The following ARHGEF28 variants were observed in gnomAD, a reference collection of about 807,000 sequenced individuals.
ARHGEF28 encodes 190 kDa guanine nucleotide exchange factor.
A neutral mutation model predicts 206.6 loss-of-function variants in ARHGEF28; 152 were observed. The observed-to-expected ratio is 0.74, with a 90% CI of 0.64 to 0.84. ARHGEF28 has a LOEUF of 0.84. Ranked by LOEUF, ARHGEF28 falls within the 40% of genes least tolerant of loss-of-function variation. ARHGEF28 has a pLI of 0.00. For missense variants in ARHGEF28, 2,028 were observed against 2,073.2 expected (o/e 0.98, Z 0.42); for synonymous variants, 763 against 776.4 (o/e 0.98, Z 0.29).
intron 22 of ARHGEF28, among the ~76,000 whole-genome samples, chr5:73,880,285 G>A (rs1387909062): frequency 2.6e-5 from 4 of 152,210 alleles, no homozygotes; most frequent in Non-Finnish European, 4.4e-5. Flanking sequence ...TCGGAAAAGC[G>A]CAGTATTCTG....
chr5:73,813,590 T>G, intron 9 of ARHGEF28: 1 of 1,535,738 alleles, frequency 6.5e-7, no homozygotes, highest in Non-Finnish European at 8.7e-7. Context: ...AACAAAAAGA[T>G]GGATTCTGAC....
At chr5:73,881,341 G>A (rs773245898) in intron 22 of ARHGEF28, among the ~76,000 whole-genome samples, 12 of 152,004 alleles carry the variant, frequency 7.9e-5, no homozygotes, top group South Asian at 2.1e-4. Context: ...AGCATACTGG[G>A]ATTTTGTTAA....
Position 73,911,381 on chromosome 5 carries a change from C to A in ARHGEF28, c.4754C>A (p.Ser1585Ter). 1 of 1,613,954 alleles carries A rather than the reference C, an allele frequency of 6.2e-7. No individual in the cohort carries two copies. Among genetic ancestry groups the A allele is most frequent in the Non-Finnish European group, 8.5e-7 (1 of 1,179,860 alleles). The part of the protein sequence containing the change: ...SFNTFNKLNP[S>*]VIHQDATYPT... ...AACACTTTCAACAAACTGAATCCAT[C>A]AGTTATCCATCAGGATGCCACTTAC... Residue 1585 changes from serine (S) to a stop codon, truncating the protein, a stop_gained, in exon 35 of 36, where the codon TCA becomes TAA. Coordinates refer to ENST00000513042, the MANE Select transcript of ARHGEF28 (RefSeq NM_001177693.2). LOFTEE classifies it high-confidence loss of function.
At chr5:73,879,203 C>G (rs1482472689) in intron 22 of ARHGEF28, among the ~76,000 whole-genome samples, 2 of 152,232 alleles carry the variant, frequency 1.3e-5, no homozygotes, top group African/African-American at 4.8e-5. Flanking sequence ...ACCCTTCCTT[C>G]CAGCTGATCG....
intron 1 of ARHGEF28, among the ~76,000 whole-genome samples, chr5:73,674,829 T>C (rs1273499924): frequency 6.6e-6 from 1 of 152,224 alleles, no homozygotes; most frequent in Non-Finnish European, 1.5e-5. Context: ...GACTGGGTTC[T>C]TGGAACTACT....
Position 73,882,498 on chromosome 5 carries a change from G to A in ARHGEF28, c.2841G>A (p.Met947Ile). 1.4e-6 allele frequency: 2 copies of A among 1,463,842 alleles called. No homozygotes were observed. Among genetic ancestry groups the A allele is most frequent in the Non-Finnish European group, 1.8e-6 (2 of 1,090,238 alleles). 90.7% of individuals were successfully genotyped at this position (1,463,842 alleles called of 1,614,324 possible). A position where few individuals can be genotyped will look rare whatever the true frequency, so the allele number is the denominator to read the frequency against. ...TTTCAGAAGAAAATGCAAGTAAAAT[G>A]AAGAAAATATATGGAGAATTCTGTT... ...QQFSEENASK[M>I]KKIYGEFCCH... Residue 947 changes from methionine to isoleucine, a missense_variant, in exon 23 of 36, where the codon ATG becomes ATA. By Grantham distance (10) the Met-to-Ile change is conservative (BLOSUM62 1). Around this residue, in one of 3 missense-constraint regions of ARHGEF28, gnomAD observed 223 missense variants for 289.9 expected, o/e 0.77. Transcript: ENST00000513042.
At chr5:73,640,520 T>G (rs1485538468) in intron 1 of ARHGEF28, among the ~76,000 whole-genome samples, 1 of 152,188 alleles carries the variant, frequency 6.6e-6, no homozygotes, top group Non-Finnish European at 1.5e-5. Context: ...GTTAACAATT[T>G]TTTAAAAATT....
In ARHGEF28 at chr5:73,776,618, C is replaced by A. The variant is rs747968877; in HGVS notation, c.762C>A (p.Asn254Lys). 2 of 1,613,956 alleles carry A rather than the reference C, an allele frequency of 1.2e-6. No individual in the cohort carries two copies. The highest frequency in any genetic ancestry group is 3.3e-5 in the Admixed American group (2 of 60,022). Residue 254 changes from asparagine (N) to lysine (K), a missense_variant, in exon 6 of 36, where the codon AAC becomes AAA. Asn to Lys is a moderately conservative substitution (Grantham distance 94). This residue lies in a region of ARHGEF28 where 1,002 missense variants were observed against 1,015.3 expected (regional missense o/e 0.99). Coordinates refer to ENST00000513042, the MANE Select transcript of ARHGEF28 (RefSeq NM_001177693.2). Reference sequence around the variant, plus strand: ...CGGAAACGCTGACCCTGACCCTGAACCACACAGCCGAGCATTTGTTGGAGG... The same window carrying A: ...CGGAAACGCTGACCCTGACCCTGAAACACACAGCCGAGCATTTGTTGGAGG... ...HSSETLTLTLNHTAEHLLEAD... is the reference protein window; with the variant it reads ...HSSETLTLTLKHTAEHLLEAD...
chr5:73,939,885 T>C (rs1342976643), intron 35 of ARHGEF28, among the ~76,000 whole-genome samples: 2 of 152,216 alleles, frequency 1.3e-5, no homozygotes, highest in East Asian at 3.8e-4. Flanking sequence ...CTTTATGTTC[T>C]TTAAATTTTT....
Position 73,817,994 on chromosome 5 carries a change from A to T in ARHGEF28, c.1025-14344A>T, listed in dbSNP as rs1756332929. The stretch of plus-strand genomic sequence containing the variant: ...CTTGATACCTTCCTCCTATACACAG[A>T]TATAGTACTTAAACACATCATTGGA... On this transcript the variant is annotated intron_variant, in intron 9 of 35. Coordinates refer to ENST00000513042, the MANE Select transcript of ARHGEF28 (RefSeq NM_001177693.2). Among the ~76,000 whole-genome samples, 3 of 152,248 alleles carry T rather than the reference A, an allele frequency of 2.0e-5. No individual in the cohort carries two copies. In the South Asian group the frequency reaches 6.2e-4, roughly 32 times the overall value.
chr5:73,684,939 C>T (rs986691356), intron 2 of ARHGEF28, 55 bp downstream of exon 2: 6 of 1,567,578 alleles, frequency 3.8e-6, no homozygotes, highest in Middle Eastern at 1.7e-4. Context: ...TAACTCCAAA[C>T]CATGTGACTG....
rs143566856 is a variant in ARHGEF28 at position 73,826,940 on chromosome 5, G to T, written c.1025-5398G>T. 3.9e-5 allele frequency among the ~76,000 whole-genome samples: 6 copies of T among 152,302 alleles called. No individual in the cohort carries two copies. In the East Asian group the frequency reaches 1.2e-3, roughly 29 times the overall value. ...GAGAGCTGGGGATCCCCTTGGAGTT[G>T]CTGTTTATCCTCCAGGCACTTTGCA... On this transcript the variant is annotated intron_variant, in intron 9 of 35. Transcript: ENST00000513042.
At chr5:73,792,420 C>T (rs1187440489) in intron 7 of ARHGEF28, among the ~76,000 whole-genome samples, 1 of 152,152 alleles carries the variant, frequency 6.6e-6, no homozygotes, top group African/African-American at 2.4e-5. Context: ...GATGAGATTG[C>T]CTTTTCCATT....
At chr5:73,834,389 G>A (rs1405779131) in intron 10 of ARHGEF28, among the ~76,000 whole-genome samples, 1 of 152,196 alleles carries the variant, frequency 6.6e-6, no homozygotes, top group Non-Finnish European at 1.5e-5. Flanking sequence ...GTTTCTATGA[G>A]TTTGACATTT....
At chr5:73,869,085 C>G (rs1759898280) in intron 20 of ARHGEF28, among the ~76,000 whole-genome samples, 1 of 152,096 alleles carries the variant, frequency 6.6e-6, no homozygotes, top group Non-Finnish European at 1.5e-5. Context: ...GATTCTGCCC[C>G]AGGAACCTGT....
chr5:73,844,238 G>C (rs1758160748), intron 11 of ARHGEF28, among the ~76,000 whole-genome samples: 1 of 152,166 alleles, frequency 6.6e-6, no homozygotes, highest in Non-Finnish European at 1.5e-5. Flanking sequence ...ATGAAATGCT[G>C]TCTGTAACTG....
intron 1 of ARHGEF28, among the ~76,000 whole-genome samples, chr5:73,682,439 T>C (rs972499361): frequency 3.3e-4 from 49 of 150,050 alleles, no homozygotes; most frequent in Admixed American, 1.5e-3. Flanking sequence ...TTTTTTGAGA[T>C]TGAGTTTCAC....
intron 2 of ARHGEF28, among the ~76,000 whole-genome samples, chr5:73,698,984 G>A (rs577877332): frequency 3.9e-5 from 6 of 152,090 alleles, no homozygotes; most frequent in Non-Finnish European, 5.9e-5. Flanking sequence ...CATGTCTTCA[G>A]CCTCTACCTG....
intron 4 of ARHGEF28, among the ~76,000 whole-genome samples, chr5:73,762,690 A>AT (rs565742270): frequency 0.013 from 1,913 of 151,326 alleles, 27 homozygotes; most frequent in Middle Eastern, 0.027. Context: ...TATAGTCTTG[A>AT]TTTTTTTTTG....
Sources: gnomAD v4.1 joint callset for allele counts (sites outside exome capture counted in the v4.1 genomes callset) on GRCh38, gnomAD v4.1.1 for gene constraint, gnomAD v4.1.1 regional missense constraint, MANE v1.5 for transcripts, NCBI Gene and HGNC (gene_info 2026-07-23, HGNC 2026-07-21) for gene names.